Variants in INPP5F observed in about 807,000 individuals in gnomAD.
The protein encoded by INPP5F is phosphatidylinositide 4-phosphatase SAC2.
Under a neutral mutation model 137.2 loss-of-function variants are expected in INPP5F, and 97 were observed. The observed-to-expected ratio is 0.71, with a 90% CI of 0.60 to 0.84. The LOEUF (loss-of-function observed/expected upper bound fraction) is 0.84. INPP5F is among the 40% of genes least tolerant of loss of function. The pLI is 0.00. For missense variants in INPP5F, 1,271 were observed against 1,371.9 expected (o/e 0.93, Z 1.16); for synonymous variants, 504 against 476.9 (o/e 1.06, Z -0.74).
intron 19 of INPP5F, among the ~76,000 whole-genome samples, chr10:119,825,108 A>G (rs773773198): frequency 2.0e-5 from 3 of 152,230 alleles, no homozygotes; most frequent in Non-Finnish European, 2.9e-5. Flanking sequence ...CATGAACTGA[A>G]TAACGCACTC....
intron 1 of INPP5F, among the ~76,000 whole-genome samples, chr10:119,747,336 C>T (rs1248658481): frequency 6.6e-6 from 1 of 151,974 alleles, no homozygotes; most frequent in African/African-American, 2.4e-5. Flanking sequence ...ATTCTCATGC[C>T]TCAGCCTCCC....
At chr10:119,767,557 T>G (rs1457182804) in intron 2 of INPP5F, among the ~76,000 whole-genome samples, 1 of 152,236 alleles carries the variant, frequency 6.6e-6, no homozygotes, top group Non-Finnish European at 1.5e-5. Context: ...GATGATAGTT[T>G]GATTCCTAAA....
chr10:119,785,295 T>G (rs1160711271), intron 3 of INPP5F, among the ~76,000 whole-genome samples: 3 of 143,848 alleles, frequency 2.1e-5, no homozygotes, highest in African/African-American at 7.9e-5. Flanking sequence ...TGTTTTTTTT[T>G]TTTTTTTGGA....
chr10:119,770,616 G>A (rs1849306493), intron 2 of INPP5F, among the ~76,000 whole-genome samples: 1 of 152,162 alleles, frequency 6.6e-6, no homozygotes, highest in African/African-American at 2.4e-5. Context: ...TACAGGAGTA[G>A]AGATTGCTAT....
At chr10:119,808,248 A>T (rs1386424485) in intron 13 of INPP5F, among the ~76,000 whole-genome samples, 188 bp downstream of exon 13, 1 of 152,156 alleles carries the variant, frequency 6.6e-6, no homozygotes, top group Non-Finnish European at 1.5e-5. Context: ...TCAGAGGGAG[A>T]GGGGGCTGTG....
At position 119,796,893 on chromosome 10, in the gene INPP5F, G is replaced by A. The variant is rs533134849; in HGVS notation, c.848G>A (p.Arg283His). ...HPRFLVALISRRSRHRAGMRY... is the reference protein window; with the variant it reads ...HPRFLVALISHRSRHRAGMRY... Reference sequence around the variant, plus strand: ...CGATTTCTAGTGGCTCTCATTTCACGCCGAAGTAGGCACAGAGCAGGTGAG... The same window carrying A: ...CGATTTCTAGTGGCTCTCATTTCACACCGAAGTAGGCACAGAGCAGGTGAG... The change falls in exon 7 of 20, where the codon CGC (arginine) becomes CAC (histidine). Residue 283 changes from arginine (R) to histidine (H), a missense_variant. Physicochemically the swap from Arg to His is conservative, Grantham distance 29. Transcript: ENST00000650623. The A allele has an allele frequency of 1.2e-6, 2 of 1,613,986 alleles. No individual in the cohort carries two copies. The highest frequency in any genetic ancestry group is 1.7e-6 in the Non-Finnish European group (2 of 1,179,924).
chr10:119,726,812 C>T (rs1012554838), intron 1 of INPP5F, among the ~76,000 whole-genome samples: 22 of 152,276 alleles, frequency 1.4e-4, no homozygotes, highest in African/African-American at 5.3e-4. Context: ...TGGACACTCA[C>T]TCCCTGTTGC....
intron 1 of INPP5F, among the ~76,000 whole-genome samples, chr10:119,736,306 C>G (rs1195268414): frequency 6.6e-6 from 1 of 152,130 alleles, no homozygotes; most frequent in African/African-American, 2.4e-5. Flanking sequence ...TTAAGCTGTA[C>G]TTTTTCATTC....
intron 1 of INPP5F, among the ~76,000 whole-genome samples, chr10:119,742,490 G>A (rs1247987522): frequency 2.6e-5 from 4 of 152,186 alleles, no homozygotes; most frequent in Admixed American, 2.6e-4. Flanking sequence ...AGATGGTGAA[G>A]GTCTTGGCCC....
intron 12 of INPP5F, among the ~76,000 whole-genome samples, chr10:119,807,555 T>TA (rs1228691389): frequency 1.3e-5 from 2 of 152,224 alleles, no homozygotes; most frequent in East Asian, 3.9e-4. Context: ...CTTAGAACCC[T>TA]AGCCTTGGCA....
intron 15 of INPP5F, among the ~76,000 whole-genome samples, chr10:119,814,130 G>T (rs186424015): frequency 6.6e-6 from 1 of 151,918 alleles, no homozygotes; most frequent in Non-Finnish European, 1.5e-5. Flanking sequence ...GGTGGCTCAC[G>T]CCTGTAATCC....
chr10:119,726,213 CCCCGTGCGCCG>C lies in INPP5F; in HGVS notation c.-45_-35del, dbSNP rs767535632. 2.4e-6 allele frequency: 3 copies of C among 1,265,884 alleles called. No individual in the cohort carries two copies. In the South Asian group the frequency reaches 4.8e-5, roughly 20 times the overall value. The allele number at this position is 1,265,884 out of a possible 1,614,324, so 78.4% of individuals were successfully genotyped here. Reference sequence around the variant, plus strand: ...CTGGCGGCCTCGACCGACTAGGACGCCCCGTGCGCCGCCCGCGGGCCGCCGCCTCCCTGGGC... The same window carrying C: ...CTGGCGGCCTCGACCGACTAGGACGCCCCGCGGGCCGCCGCCTCCCTGGGC... On this transcript the variant is annotated 5_prime_UTR_variant, in exon 1 of 20. Coordinates refer to ENST00000650623, the MANE Select transcript of INPP5F (RefSeq NM_014937.4).
intron 3 of INPP5F, among the ~76,000 whole-genome samples, chr10:119,785,569 A>AGAGAGAGAGAGAGAGAGAGAGAGAGG (rs1849873696): frequency 6.6e-6 from 1 of 151,184 alleles, no homozygotes; most frequent in African/African-American, 2.4e-5. Context: ...AGAGAGAGAG[A>AGAGAGAGAGAGAGAGAGAGAGAGAGG]GAGAGAGAGA....
At chr10:119,785,302 TGGAGACGGAGCC>T (rs1849853599) in intron 3 of INPP5F, among the ~76,000 whole-genome samples, 1 of 147,634 alleles carries the variant, frequency 6.8e-6, no homozygotes, top group Non-Finnish European at 1.5e-5. Context: ...TTTTTTTTTT[TGGAGACGGAGCC>T]TCGCTCTGTC....
Position 119,826,659 on chromosome 10 carries a change from A to G in INPP5F, c.2278A>G (p.Ile760Val), listed in dbSNP as rs761368966. The G allele has an allele frequency of 1.2e-5, 19 of 1,595,360 alleles. No homozygotes were observed. The highest frequency in any genetic ancestry group is 1.5e-5 in the Non-Finnish European group (18 of 1,174,872). Residue 760 changes from isoleucine to valine, a missense_variant, in exon 20 of 20, where the codon ATT becomes GTT. This residue lies in a region of INPP5F where 490 missense variants were observed against 443.7 expected (regional missense o/e 1.10). Transcript: ENST00000650623. Reference protein sequence around the residue: ...RKSSKPHEDIIGIRSQNQGSL... With the variant: ...RKSSKPHEDIVGIRSQNQGSL... ...GAGCAGTAAACCTCACGAAGACATCATTGGTATCAGGTCTCAAAACCAAGG... is the reference window on the plus strand; with the variant it reads ...GAGCAGTAAACCTCACGAAGACATCGTTGGTATCAGGTCTCAAAACCAAGG...
At chr10:119,741,810 C>T (rs539275122) in intron 1 of INPP5F, among the ~76,000 whole-genome samples, 2 of 152,118 alleles carry the variant, frequency 1.3e-5, no homozygotes, top group African/African-American at 2.4e-5. Context: ...GTTGGGATTA[C>T]AGGCGTGAGC....
At chr10:119,801,002 A>G (rs1223576463) in intron 9 of INPP5F, among the ~76,000 whole-genome samples, 4 of 151,508 alleles carry the variant, frequency 2.6e-5, no homozygotes, top group African/African-American at 9.7e-5. Context: ...AAGGACATGG[A>G]GCAACTAGAA....
chr10:119,773,750 A>T (rs1369805592), intron 2 of INPP5F, among the ~76,000 whole-genome samples: 1 of 152,112 alleles, frequency 6.6e-6, no homozygotes, highest in Non-Finnish European at 1.5e-5. Flanking sequence ...CCCATGCTGG[A>T]GTACAGTGAT....
chr10:119,726,117 G>A lies in INPP5F; in HGVS notation c.-146G>A, dbSNP rs981708811. On this transcript the variant is annotated 5_prime_UTR_variant, in exon 1 of 20. Transcript: ENST00000650623. ...CGCGTTCTCCTCCTACCGGTCGGGT[G>A]CCCCGGGGCGTTCCCTCTGCCGCTG... is the stretch of plus-strand genomic sequence containing the variant. 25 of 415,306 alleles carry A rather than the reference G, an allele frequency of 6.0e-5. No individual in the cohort carries two copies. The highest frequency in any genetic ancestry group is 1.0e-4 in the Non-Finnish European group (25 of 244,734). The allele number at this position is 415,306 out of a possible 1,614,324, so 25.7% of individuals were successfully genotyped here.
Sources: gnomAD v4.1 joint callset for allele counts (sites outside exome capture counted in the v4.1 genomes callset) on GRCh38, gnomAD v4.1.1 for gene constraint, gnomAD v4.1.1 regional missense constraint, MANE v1.5 for transcripts, NCBI Gene and HGNC (gene_info 2026-07-23, HGNC 2026-07-21) for gene names.